Variants in DRC10 observed in about 807,000 individuals in gnomAD.
DRC10 encodes IQ domain-containing protein D.
At chr12:113,202,031 T>G in the DRC10 span, among the ~76,000 whole-genome samples, 2 of 152,244 alleles carry the variant, frequency 1.3e-5, no homozygotes, top group African/African-American at 2.4e-5. Flanking sequence ...AGCCCCAAGC[T>G]GGTTCTAGCA....
chr12:113,209,971 C>T, the DRC10 span, among the ~76,000 whole-genome samples: 7 of 152,102 alleles, frequency 4.6e-5, no homozygotes, highest in East Asian at 1.9e-4. Context: ...AATAAAAATA[C>T]GAGAGAATGC....
At chr12:113,200,589 C>A in the DRC10 span, 3 of 1,535,236 alleles carry the variant, frequency 2.0e-6, no homozygotes, top group Non-Finnish European at 2.6e-6. Flanking sequence ...CCTTCCTCAG[C>A]GCCTGCTCTG....
the DRC10 span, among the ~76,000 whole-genome samples, chr12:113,216,146 A>G: frequency 2.6e-5 from 4 of 152,258 alleles, no homozygotes; most frequent in Non-Finnish European, 5.9e-5. Flanking sequence ...GGAGCTGAGT[A>G]GATAAACAGT....
the DRC10 span, chr12:113,207,568 G>A: frequency 6.2e-7 from 1 of 1,614,168 alleles, no homozygotes; most frequent in Non-Finnish European, 8.5e-7. Context: ...CATGGGACTA[G>A]TGAGTAGTTT....
the DRC10 span, among the ~76,000 whole-genome samples, chr12:113,214,891 C>T: frequency 6.7e-6 from 1 of 150,194 alleles, no homozygotes; most frequent in Admixed American, 6.6e-5. Context: ...TTTTTGAGAA[C>T]CTGTGTTTTA....
the DRC10 span, among the ~76,000 whole-genome samples, chr12:113,215,807 GA>G: frequency 6.6e-6 from 1 of 152,074 alleles, no homozygotes; most frequent in Non-Finnish European, 1.5e-5. Flanking sequence ...TCTCCAACTT[GA>G]AAAAAATATT....
chr12:113,216,586 C>G, the DRC10 span, among the ~76,000 whole-genome samples: 1 of 152,100 alleles, frequency 6.6e-6, no homozygotes, highest in African/African-American at 2.4e-5. Flanking sequence ...AACAAATGCA[C>G]CACTCTGGTG....
the DRC10 span, among the ~76,000 whole-genome samples, chr12:113,210,709 C>T: frequency 6.6e-6 from 1 of 150,592 alleles, no homozygotes; most frequent in African/African-American, 2.4e-5. Context: ...CCCCATCCCT[C>T]ACCCTGATTC....
At chr12:113,214,823 T>C in the DRC10 span, among the ~76,000 whole-genome samples, 1 of 148,846 alleles carries the variant, frequency 6.7e-6, no homozygotes. Flanking sequence ...AGTTGAGTGG[T>C]TTTTTTTTTC....
chr12:113,200,727 A>C, the DRC10 span: 1 of 1,536,168 alleles, frequency 6.5e-7, no homozygotes, highest in Non-Finnish European at 8.7e-7. Context: ...CCTCCTGCTT[A>C]GTGCGAACGA....
chr12:113,216,377 G>A, the DRC10 span, among the ~76,000 whole-genome samples: 1 of 152,322 alleles, frequency 6.6e-6, no homozygotes, highest in African/African-American at 2.4e-5. Context: ...CTGGGGGAAG[G>A]GAGGGATGAA....
chr12:113,213,559 G>C, the DRC10 span, among the ~76,000 whole-genome samples: 1 of 152,226 alleles, frequency 6.6e-6, no homozygotes, highest in Non-Finnish European at 1.5e-5. Flanking sequence ...CACAGATGAA[G>C]AAAGGGAGAC....
chr12:113,213,738 C>A, the DRC10 span, among the ~76,000 whole-genome samples: 3 of 152,226 alleles, frequency 2.0e-5, no homozygotes, highest in Non-Finnish European at 4.4e-5. Context: ...GCAGGTTGAT[C>A]ACTTGAGGTC....
At chr12:113,201,909 C>G in the DRC10 span, among the ~76,000 whole-genome samples, 2 of 152,250 alleles carry the variant, frequency 1.3e-5, no homozygotes, top group East Asian at 3.8e-4. Context: ...TCCCTGTAGA[C>G]TCCCCACACG....
At chr12:113,201,228 G>A in the DRC10 span, among the ~76,000 whole-genome samples, 1 of 152,120 alleles carries the variant, frequency 6.6e-6, no homozygotes, top group Non-Finnish European at 1.5e-5. Flanking sequence ...ATGCCACCTG[G>A]GTTATATCTC....
the DRC10 span, chr12:113,199,935 G>C: frequency 5.5e-6 from 1 of 182,826 alleles, no homozygotes; most frequent in African/African-American, 2.4e-5. Flanking sequence ...GCCCAGGCTG[G>C]AGTGCAGTGG....
chr12:113,210,661 C>G, the DRC10 span, among the ~76,000 whole-genome samples: 1 of 149,632 alleles, frequency 6.7e-6, no homozygotes, highest in African/African-American at 2.5e-5. Context: ...CTGCTCACCC[C>G]CCAACACCAT....
chr12:113,220,164 AGTAG>A, the DRC10 span, among the ~76,000 whole-genome samples: 1 of 152,026 alleles, frequency 6.6e-6, no homozygotes, highest in South Asian at 2.1e-4. Context: ...CTCTGTCTTC[AGTAG>A]GTACAATGAG....
the DRC10 span, among the ~76,000 whole-genome samples, chr12:113,206,951 T>C: frequency 6.6e-6 from 1 of 152,012 alleles, no homozygotes; most frequent in Non-Finnish European, 1.5e-5. Flanking sequence ...TCTCAGCTAC[T>C]TGGGAGGGTG....
Sources: gnomAD v4.1 joint callset for allele counts (sites outside exome capture counted in the v4.1 genomes callset) on GRCh38, gnomAD v4.1.1 for gene constraint, MANE v1.5 for transcripts, NCBI Gene and HGNC (gene_info 2026-07-23, HGNC 2026-07-21) for gene names.